The following MEMO1 variants were observed in gnomAD, a reference collection of about 807,000 sequenced individuals.
MEMO1 encodes mediator of cell motility 1, also known as protein MEMO1.
A neutral mutation model predicts 45.2 loss-of-function variants in MEMO1; 6 were observed. That is an observed-to-expected ratio of 0.13 (90% CI 0.07 to 0.26). The LOEUF is 0.26. Among genes scored for constraint, MEMO1 ranks in the 10% least tolerant of loss-of-function variants. The pLI, the probability that MEMO1 is intolerant of heterozygous loss-of-function variation, is 1.00. For synonymous variants in MEMO1, 78 were observed against 124.3 expected (o/e 0.63, Z 2.48); for missense variants, 184 against 370.5 (o/e 0.50, Z 4.13).
intron 8 of MEMO1, among the ~76,000 whole-genome samples, chr2:31,876,339 T>C (rs1444545671): frequency 2.0e-5 from 3 of 152,202 alleles, no homozygotes; most frequent in Non-Finnish European, 4.4e-5. Context: ...TTAATTTTCA[T>C]CCTCAAGGTA....
intron 2 of MEMO1, among the ~76,000 whole-genome samples, chr2:31,983,238 G>A (rs945153473): frequency 6.6e-6 from 1 of 152,074 alleles, no homozygotes; most frequent in African/African-American, 2.4e-5. Context: ...TCCAGCCTGG[G>A]CAACAGAGCA....
chr2:31,992,992 C>T (rs559095288), intron 2 of MEMO1, among the ~76,000 whole-genome samples: 74 of 152,120 alleles, frequency 4.9e-4, no homozygotes, highest in South Asian at 1.2e-3. Flanking sequence ...AAAAATGCTT[C>T]CAACTAATGT....
intron 8 of MEMO1, among the ~76,000 whole-genome samples, chr2:31,875,270 T>C (rs548721389): frequency 6.6e-6 from 1 of 152,284 alleles, no homozygotes; most frequent in East Asian, 1.9e-4. Flanking sequence ...TTGGGATATC[T>C]AAAGTAAGGT....
chr2:31,909,120 A>G (rs868625753), intron 6 of MEMO1, among the ~76,000 whole-genome samples: 3 of 152,206 alleles, frequency 2.0e-5, no homozygotes, highest in Admixed American at 6.5e-5. Context: ...TCAACATGAT[A>G]AAGACCACAT....
chr2:31,991,737 CTT>C (rs1553380729), intron 2 of MEMO1, among the ~76,000 whole-genome samples: 1 of 152,086 alleles, frequency 6.6e-6, no homozygotes, highest in Non-Finnish European at 1.5e-5. Context: ...AAATCTTACT[CTT>C]TTTATTGGCT....
At chr2:32,010,045 C>T (rs999188091) in intron 2 of MEMO1, 142 bp downstream of exon 2, 26 of 222,382 alleles carry the variant, frequency 1.2e-4, no homozygotes, top group African/African-American at 5.0e-4. Flanking sequence ...TCGCTCCCTC[C>T]CCACGCGGTC....
intron 2 of MEMO1, among the ~76,000 whole-genome samples, chr2:31,990,328 A>G (rs1671790002): frequency 6.6e-6 from 1 of 152,218 alleles, no homozygotes; most frequent in Non-Finnish European, 1.5e-5. Context: ...GTTCCGAAAG[A>G]TAGTTATTTT....
At chr2:31,919,063 T>C (rs1003045739) in intron 5 of MEMO1, among the ~76,000 whole-genome samples, 3 of 151,944 alleles carry the variant, frequency 2.0e-5, no homozygotes, top group South Asian at 4.1e-4. Context: ...TGAAAACTTA[T>C]GCCAAAAATA....
At chr2:31,964,438 TG>T in intron 2 of MEMO1, among the ~76,000 whole-genome samples, 1 of 152,292 alleles carries the variant, frequency 6.6e-6, no homozygotes. Context: ...GGCTCACGCC[TG>T]TAATTCCAGA....
intron 2 of MEMO1, among the ~76,000 whole-genome samples, chr2:31,949,063 C>G (rs1666509283): frequency 6.6e-6 from 1 of 152,154 alleles, no homozygotes; most frequent in Non-Finnish European, 1.5e-5. Context: ...AATGAGATAT[C>G]ATCTCACCCC....
intron 5 of MEMO1, among the ~76,000 whole-genome samples, chr2:31,918,518 A>C (rs1252778996): frequency 6.6e-6 from 1 of 152,164 alleles, no homozygotes; most frequent in Non-Finnish European, 1.5e-5. Context: ...TTTTTTAATA[A>C]AATGTGTGGT....
intron 2 of MEMO1, among the ~76,000 whole-genome samples, chr2:31,951,585 T>C (rs1414294551): frequency 6.6e-6 from 1 of 151,934 alleles, no homozygotes; most frequent in African/African-American, 2.4e-5. Context: ...CAGGCTGAAG[T>C]GCAGTGGCAC....
intron 6 of MEMO1, among the ~76,000 whole-genome samples, chr2:31,914,819 AT>A (rs955505134): frequency 6.6e-6 from 1 of 151,928 alleles, no homozygotes; most frequent in Non-Finnish European, 1.5e-5. Flanking sequence ...TTAGCCAGAT[AT>A]GGTAGTACAT....
chr2:32,008,480 A>C (rs1674377457), intron 2 of MEMO1, among the ~76,000 whole-genome samples: 1 of 152,152 alleles, frequency 6.6e-6, no homozygotes, highest in African/African-American at 2.4e-5. Flanking sequence ...GCTACTCAGG[A>C]GGCTGAAGCA....
At chr2:31,959,434 G>C (rs760321310) in intron 2 of MEMO1, among the ~76,000 whole-genome samples, 5 of 151,666 alleles carry the variant, frequency 3.3e-5, no homozygotes, top group Non-Finnish European at 5.9e-5. Context: ...GGAAAGCAAA[G>C]AGATGAGATC....
intron 4 of MEMO1, among the ~76,000 whole-genome samples, chr2:31,925,149 A>T (rs947136244): frequency 6.6e-6 from 1 of 152,008 alleles, no homozygotes; most frequent in African/African-American, 2.4e-5. Flanking sequence ...CACCCATGCT[A>T]TTGTTCCCCA....
chr2:31,878,164 C>G (rs1174248877), intron 8 of MEMO1, among the ~76,000 whole-genome samples: 1 of 152,082 alleles, frequency 6.6e-6, no homozygotes, highest in Non-Finnish European at 1.5e-5. Context: ...CTAAGCTAGG[C>G]AGATACATGA....
chr2:31,967,938 G>T (rs942513744), intron 2 of MEMO1, among the ~76,000 whole-genome samples: 1 of 152,022 alleles, frequency 6.6e-6, no homozygotes, highest in Non-Finnish European at 1.5e-5. Context: ...GTCATCTGAG[G>T]CCTTGGAAGA....
chr2:31,871,069 A>C (rs1234886834), intron 8 of MEMO1, among the ~76,000 whole-genome samples: 1 of 152,242 alleles, frequency 6.6e-6, no homozygotes, highest in Non-Finnish European at 1.5e-5. Context: ...ACATTCAAAT[A>C]ATGTATTTAC....
Sources: gnomAD v4.1 joint callset for allele counts (sites outside exome capture counted in the v4.1 genomes callset) on GRCh38, gnomAD v4.1.1 for gene constraint, MANE v1.5 for transcripts, NCBI Gene and HGNC (gene_info 2026-07-23, HGNC 2026-07-21) for gene names.